Variants in IGF1R observed in about 807,000 individuals in gnomAD.
IGF1R encodes insulin like growth factor 1 receptor.
IGF1R carries 44 observed loss-of-function variants against 144.6 expected under a neutral mutation model. That is an observed-to-expected ratio of 0.30 (90% CI 0.24 to 0.39). The LOEUF is 0.39. Among genes scored for constraint, IGF1R ranks in the 10% least tolerant of loss-of-function variants. The pLI, the probability that IGF1R is intolerant of heterozygous loss-of-function variation, is 1.00. For missense variants in IGF1R, 1,355 were observed against 1,833.7 expected (o/e 0.74, Z 4.77); for synonymous variants, 795 against 722.8 (o/e 1.10, Z -1.60).
intron 1 of IGF1R, among the ~76,000 whole-genome samples, chr15:98,664,989 G>A (rs1412838481): frequency 3.7e-5 from 5 of 133,566 alleles, no homozygotes; most frequent in Non-Finnish European, 6.1e-5. Context: ...ATGGAATCTC[G>A]CTCTGTCGTC....
chr15:98,915,429 CCT>C (rs1314467477), intron 8 of IGF1R, among the ~76,000 whole-genome samples: 1 of 152,200 alleles, frequency 6.6e-6, no homozygotes, highest in African/African-American at 2.4e-5. Context: ...CTCCCCCATC[CCT>C]CTTACACACA....
At chr15:98,879,192 T>C (rs2013243612) in intron 2 of IGF1R, among the ~76,000 whole-genome samples, 1 of 152,168 alleles carries the variant, frequency 6.6e-6, no homozygotes, top group African/African-American at 2.4e-5. Context: ...CTTTCCCAAA[T>C]GTATAAGTAG....
At chr15:98,742,544 A>C (rs892480674) in intron 2 of IGF1R, among the ~76,000 whole-genome samples, 1 of 152,280 alleles carries the variant, frequency 6.6e-6, no homozygotes, top group South Asian at 2.1e-4. Flanking sequence ...AATTCTGTAG[A>C]GTTAACCCTA....
At chr15:98,906,227 A>G (rs1240302864) in intron 5 of IGF1R, among the ~76,000 whole-genome samples, 1 of 152,212 alleles carries the variant, frequency 6.6e-6, no homozygotes, top group Non-Finnish European at 1.5e-5. Context: ...TTTTGTTCAG[A>G]AGGTATTTTT....
Position 98,891,483 on chromosome 15 carries a change from A to T in IGF1R, c.799A>T (p.Asn267Tyr). The T allele has an allele frequency of 6.2e-7, 1 of 1,614,056 alleles. No individual in the cohort carries two copies. The highest frequency in any genetic ancestry group is 8.5e-7 in the Non-Finnish European group (1 of 1,180,022). The change falls in exon 3 of 21, where the codon AAC (asparagine) becomes TAC (tyrosine). Residue 267 changes from asparagine to tyrosine, a missense_variant. Transcript: ENST00000650285. The surrounding 1 kb of genome is among the most constrained non-coding windows in gnomAD (Gnocchi z 4.7). ...TGTCTGTGTGCCTGCCTGCCCGCCC[A>T]ACACCTACAGGTTTGAGGGCTGGCG... ...AGVCVPACPP[N>Y]TYRFEGWRCV...
chr15:98,881,751 T>C (rs187273816), intron 2 of IGF1R, among the ~76,000 whole-genome samples: 1 of 152,310 alleles, frequency 6.6e-6, no homozygotes, highest in South Asian at 2.1e-4. Context: ...GTAACAGCTG[T>C]GTGCTCTTGG....
intron 2 of IGF1R, among the ~76,000 whole-genome samples, chr15:98,799,079 C>T (rs577526811): frequency 6.6e-6 from 1 of 152,042 alleles, no homozygotes; most frequent in South Asian, 2.1e-4. Context: ...GTAACTATGC[C>T]CCTACCCCAG....
intron 1 of IGF1R, among the ~76,000 whole-genome samples, chr15:98,702,624 G>A (rs1440893885): frequency 6.6e-6 from 1 of 152,196 alleles, no homozygotes; most frequent in African/African-American, 2.4e-5. Flanking sequence ...CACTGTGCCT[G>A]ACTTTTAAGG....
chr15:98,797,561 T>G (rs1229900074), intron 2 of IGF1R, among the ~76,000 whole-genome samples: 1 of 152,148 alleles, frequency 6.6e-6, no homozygotes, highest in Non-Finnish European at 1.5e-5. Context: ...CGGGGTGGTG[T>G]TTTCAGGTGC....
intron 2 of IGF1R, among the ~76,000 whole-genome samples, chr15:98,853,079 T>C (rs2011608163): frequency 6.6e-6 from 1 of 152,220 alleles, no homozygotes; most frequent in Non-Finnish European, 1.5e-5. Flanking sequence ...CTGGAAGGAC[T>C]GGGTGGTTTT....
chr15:98,698,635 C>CATGA (rs1464967840), intron 1 of IGF1R, among the ~76,000 whole-genome samples: 1 of 152,216 alleles, frequency 6.6e-6, no homozygotes, highest in Non-Finnish European at 1.5e-5. Flanking sequence ...CCTTCCTGTG[C>CATGA]ATGAACTAGA....
At chr15:98,712,377 A>G (rs570775898) in intron 2 of IGF1R, among the ~76,000 whole-genome samples, 13 of 151,390 alleles carry the variant, frequency 8.6e-5, no homozygotes, top group African/African-American at 2.7e-4. Flanking sequence ...TTTCTTTTCT[A>G]TTCCCTCTTA....
At chr15:98,897,081 A>G (rs45488493) in intron 4 of IGF1R, among the ~76,000 whole-genome samples, 176 bp downstream of exon 4, 1 of 152,184 alleles carries the variant, frequency 6.6e-6, no homozygotes, top group Non-Finnish European at 1.5e-5. Context: ...TAAAGAACAG[A>G]TTGAAAGGCA....
intron 2 of IGF1R, among the ~76,000 whole-genome samples, chr15:98,878,197 C>T (rs1417390642): frequency 3.3e-5 from 5 of 152,226 alleles, no homozygotes; most frequent in Non-Finnish European, 7.3e-5. Context: ...GCCTCTCCCT[C>T]TGAGCTTGGC....
At chr15:98,870,606 A>ATG (rs971178655) in intron 2 of IGF1R, among the ~76,000 whole-genome samples, 2 of 152,020 alleles carry the variant, frequency 1.3e-5, no homozygotes, top group South Asian at 2.1e-4. Context: ...AAAGATGTGC[A>ATG]TGTGTGTGTG....
At chr15:98,910,665 A>T (rs1019018084) in intron 6 of IGF1R, among the ~76,000 whole-genome samples, 4 of 152,240 alleles carry the variant, frequency 2.6e-5, no homozygotes, top group Non-Finnish European at 5.9e-5. Flanking sequence ...CATACCCGCC[A>T]GCCAGGCTAC....
intron 2 of IGF1R, among the ~76,000 whole-genome samples, chr15:98,797,156 C>T (rs2056263235): frequency 6.6e-6 from 1 of 152,242 alleles, no homozygotes; most frequent in Non-Finnish European, 1.5e-5. Flanking sequence ...ATAAATGCCA[C>T]ACCTGCTTTC....
intron 2 of IGF1R, among the ~76,000 whole-genome samples, chr15:98,788,880 A>G (rs1042281791): frequency 6.6e-5 from 10 of 151,556 alleles, no homozygotes; most frequent in African/African-American, 1.2e-4. Flanking sequence ...TTTTTTCTTT[A>G]CCATTTCTCC....
In IGF1R at chr15:98,964,022, C is replaced by T. The variant is rs78536914; in HGVS notation, c.*6580C>T. 2,423 of 232,996 alleles carry T rather than the reference C, an allele frequency of 0.01. 53 individuals carry two copies. The highest frequency in any genetic ancestry group is 0.049 in the African/African-American group (2,203 of 45,364). The allele number at this position is 232,996 out of a possible 1,614,324, so 14.4% of individuals were successfully genotyped here. ...TTTGGCGTTGCACACACACATCCAC[C>T]GGTGGAAGAGACGCCCGGTGAAAAC... On this transcript the variant is annotated 3_prime_UTR_variant, in exon 21 of 21. Coordinates refer to ENST00000650285, the MANE Select transcript of IGF1R (RefSeq NM_000875.5).
Sources: gnomAD v4.1 joint callset for allele counts (sites outside exome capture counted in the v4.1 genomes callset) on GRCh38, gnomAD v4.1.1 for gene constraint, Gnocchi (gnomAD v3.1) non-coding constraint, MANE v1.5 for transcripts, NCBI Gene and HGNC (gene_info 2026-07-23, HGNC 2026-07-21) for gene names.